The following UBE2O variants were observed in gnomAD, a reference collection of about 807,000 sequenced individuals.
The protein encoded by UBE2O is ubiquitin conjugating enzyme E2 O.
A neutral mutation model predicts 125.8 loss-of-function variants in UBE2O; 15 were observed. The ratio of observed to expected loss-of-function variants is 0.12; its 90% CI spans 0.08 to 0.18. UBE2O has a LOEUF of 0.18. UBE2O is among the 10% of genes least tolerant of loss of function. The pLI, the probability that UBE2O is intolerant of heterozygous loss-of-function variation, is 1.00. For synonymous variants in UBE2O, 708 were observed against 703.2 expected (o/e 1.01, Z -0.11); for missense variants, 1,280 against 1,723.6 (o/e 0.74, Z 4.56).
Position 76,392,072 on chromosome 17 carries a change from G to A in UBE2O, c.2988C>T (p.Pro996=), listed in dbSNP as rs1359384818. The A allele has an allele frequency of 6.5e-7, 1 of 1,545,002 alleles. No individual in the cohort carries two copies. Among genetic ancestry groups the A allele is most frequent in the Admixed American group, 2.2e-5 (1 of 46,246 alleles). ...SALIKGPTRT[P]YEDGLYLFDI... ...CAAACAAGTAGAGGCCATCCTCGTA[G>A]GGGGTTCGAGTGGGGCCCTTGATGA... The change falls in exon 16 of 18, where the codon CCC becomes CCT. Residue 996 remains proline (P), a synonymous_variant. Transcript: ENST00000319380.
At chr17:76,416,224 GTATATGTGTA>G (rs1432161996) in intron 1 of UBE2O, among the ~76,000 whole-genome samples, 2 of 151,906 alleles carry the variant, frequency 1.3e-5, no homozygotes, top group East Asian at 3.9e-4. Flanking sequence ...GTATGTATAT[GTATATGTGTA>G]TATATGTGTG....
intron 1 of UBE2O, among the ~76,000 whole-genome samples, chr17:76,427,335 T>G (rs1283387138): frequency 1.3e-5 from 2 of 152,250 alleles, no homozygotes; most frequent in Non-Finnish European, 2.9e-5. Context: ...GAGGCTTTAT[T>G]TGATTCTTTA....
chr17:76,443,708 G>C (rs1158897593), intron 1 of UBE2O, among the ~76,000 whole-genome samples: 1 of 152,142 alleles, frequency 6.6e-6, no homozygotes, highest in Admixed American at 6.5e-5. Flanking sequence ...AAGCAGCTGG[G>C]CATGTGATGT....
chr17:76,406,977 C>T (rs1374552474), intron 1 of UBE2O, among the ~76,000 whole-genome samples: 2 of 152,126 alleles, frequency 1.3e-5, no homozygotes, highest in African/African-American at 2.4e-5. Context: ...GGATTACAGG[C>T]GTGAGCCACT....
intron 1 of UBE2O, among the ~76,000 whole-genome samples, chr17:76,441,963 T>C (rs914535775): frequency 2.0e-5 from 3 of 152,204 alleles, no homozygotes; most frequent in Non-Finnish European, 4.4e-5. Flanking sequence ...GGGTGGGGCA[T>C]TCTTTTTCCA....
At chr17:76,426,768 T>G (rs1366353076) in intron 1 of UBE2O, among the ~76,000 whole-genome samples, 3 of 152,226 alleles carry the variant, frequency 2.0e-5, no homozygotes, top group Admixed American at 6.5e-5. Flanking sequence ...CTCTCCAAAT[T>G]AGTGACGATC....
intron 1 of UBE2O, among the ~76,000 whole-genome samples, chr17:76,449,281 A>C (rs531245322): frequency 1.3e-4 from 20 of 152,396 alleles, no homozygotes; most frequent in African/African-American, 4.8e-4. Context: ...TACTACTAAA[A>C]AATTTCAATG....
chr17:76,426,908 T>C (rs371801297), intron 1 of UBE2O, among the ~76,000 whole-genome samples: 3 of 151,260 alleles, frequency 2.0e-5, no homozygotes, highest in Admixed American at 6.6e-5. Flanking sequence ...TCTTAGTAAA[T>C]ACAACTTTTT....
intron 1 of UBE2O, among the ~76,000 whole-genome samples, chr17:76,425,394 A>T (rs2143824512): frequency 6.6e-6 from 1 of 152,244 alleles, no homozygotes; most frequent in Non-Finnish European, 1.5e-5. Context: ...AAAAGGCTTA[A>T]CAAAAACAGG....
rs1348213055 is a variant in UBE2O, at chr17:76,402,459, T to A, written c.686+143A>T. ...GCAGATAAGGAGAACGGTACAGGGT[T>A]AGGCCCTGGATGCCTGCAACATCTG... is the stretch of plus-strand genomic sequence containing the variant. On this transcript the variant is annotated intron_variant, in intron 4 of 17. Transcript: ENST00000319380. The surrounding 1 kb of genome is among the most constrained non-coding windows in gnomAD (Gnocchi z 5.4). 3 of 757,934 alleles carry A rather than the reference T, an allele frequency of 4.0e-6. No individual in the cohort carries two copies. The African/African-American group carries it at 5.1e-5, about 13-fold the overall frequency. The allele number at this position is 757,934 out of a possible 1,614,324, so 47.0% of individuals were successfully genotyped here. A position where few individuals can be genotyped will look rare whatever the true frequency, so the allele number is the denominator to read the frequency against.
Position 76,391,737 on chromosome 17 carries a change from C to T in UBE2O, c.3208+19G>A, listed in dbSNP as rs376532912. 3.2e-5 allele frequency: 52 copies of T among 1,613,460 alleles called. No homozygotes were observed. Among genetic ancestry groups the T allele is most frequent in the East Asian group, 8.9e-5 (4 of 44,898 alleles). On this transcript the variant is annotated intron_variant, in intron 17 of 17. Coordinates refer to ENST00000319380, the MANE Select transcript of UBE2O (RefSeq NM_022066.4). This position sits in a 1 kb window ranked among gnomAD's most constrained non-coding sequence, Gnocchi z 8.4. Reference sequence around the variant, plus strand: ...ACCGGCCCTCCCTTGTCCGCACCCCCGCTTCAGCCCAACTGTACCTTGGAT... The same window carrying T: ...ACCGGCCCTCCCTTGTCCGCACCCCTGCTTCAGCCCAACTGTACCTTGGAT...
chr17:76,402,105 C>T lies in UBE2O; in HGVS notation c.709G>A (p.Gly237Ser), dbSNP rs1428538658. 6.2e-7 allele frequency: 1 copy of T among 1,613,638 alleles called. No homozygotes were observed. Among genetic ancestry groups the T allele is most frequent in the African/African-American group, 1.3e-5 (1 of 74,902 alleles). Reference sequence around the variant, plus strand: ...GGGCAGACGTCGTAGAGCTTGGCGCCATCTTCCGTGTTCATGGAGCACCTA... The same window carrying T: ...GGGCAGACGTCGTAGAGCTTGGCGCTATCTTCCGTGTTCATGGAGCACCTA... ...GARCSMNTED[G>S]AKLYDVCPHV... Residue 237 changes from glycine to serine, a missense_variant, in exon 5 of 18, where the codon GGC becomes AGC. This residue lies in a region of UBE2O where 206 missense variants were observed against 315.7 expected (regional missense o/e 0.65). Coordinates refer to ENST00000319380, the MANE Select transcript of UBE2O (RefSeq NM_022066.4). This position sits in a 1 kb window ranked among gnomAD's most constrained non-coding sequence, Gnocchi z 5.4.
At chr17:76,445,754 C>T (rs879671692) in intron 1 of UBE2O, among the ~76,000 whole-genome samples, 2 of 152,210 alleles carry the variant, frequency 1.3e-5, no homozygotes, top group African/African-American at 2.4e-5. Flanking sequence ...CAATTTTATT[C>T]TCAACTACAG....
chr17:76,447,790 C>T (rs1405338074), intron 1 of UBE2O, among the ~76,000 whole-genome samples: 1 of 152,158 alleles, frequency 6.6e-6, no homozygotes, highest in Non-Finnish European at 1.5e-5. Flanking sequence ...GCCTCGTGCA[C>T]CTTTTGCTTC....
At chr17:76,397,743 C>G (rs2072239550) in intron 13 of UBE2O, 56 bp downstream of exon 13, 1 of 1,570,908 alleles carries the variant, frequency 6.4e-7, no homozygotes, top group African/African-American at 1.4e-5. Flanking sequence ...CCTGTGGCCC[C>G]CGGCCCAAGT....
chr17:76,435,659 T>G (rs2072985064), intron 1 of UBE2O, among the ~76,000 whole-genome samples: 1 of 152,116 alleles, frequency 6.6e-6, no homozygotes, highest in Non-Finnish European at 1.5e-5. Flanking sequence ...ACTACAAGAT[T>G]CTGTCTTTTC....
chr17:76,396,395 T>C lies in UBE2O; in HGVS notation c.2542A>G (p.Thr848Ala). Reference sequence around the variant, plus strand: ...TCATCCAGAAACTTCTTCTCCCGAGTTGGCTTCTCAGGCTCCACAGTCGGA... The same window carrying C: ...TCATCCAGAAACTTCTTCTCCCGAGCTGGCTTCTCAGGCTCCACAGTCGGA... ...TSPTVEPEKPTREKKFLDDIK... is the reference protein window; with the variant it reads ...TSPTVEPEKPAREKKFLDDIK... The change falls in exon 14 of 18, where the codon ACT becomes GCT. Residue 848 changes from threonine (T) to alanine (A), a missense_variant. This residue lies in a region of UBE2O where 210 missense variants were observed against 268.9 expected (regional missense o/e 0.78). Coordinates refer to ENST00000319380, the MANE Select transcript of UBE2O (RefSeq NM_022066.4). This position sits in a 1 kb window ranked among gnomAD's most constrained non-coding sequence, Gnocchi z 6.7. The C allele has an allele frequency of 6.2e-7, 1 of 1,614,196 alleles. No individual in the cohort carries two copies. Among genetic ancestry groups the C allele is most frequent in the Non-Finnish European group, 8.5e-7 (1 of 1,180,030 alleles).
intron 1 of UBE2O, among the ~76,000 whole-genome samples, chr17:76,415,007 A>C (rs556434690): frequency 6.6e-6 from 1 of 152,230 alleles, no homozygotes; most frequent in African/African-American, 2.4e-5. Context: ...AGTGATCAGC[A>C]TGATTCCATG....
intron 1 of UBE2O, among the ~76,000 whole-genome samples, chr17:76,449,564 G>T (rs891747557): frequency 6.6e-6 from 1 of 151,310 alleles, no homozygotes; most frequent in South Asian, 2.1e-4. Flanking sequence ...GACAGAGAGA[G>T]ACTCTGTTTA....
Sources: allele counts gnomAD v4.1 joint callset (sites outside exome capture counted in the v4.1 genomes callset), GRCh38; gene constraint gnomAD v4.1.1; regional missense constraint gnomAD v4.1.1; non-coding constraint Gnocchi (gnomAD v3.1); transcripts MANE v1.5; gene names NCBI Gene and HGNC (gene_info 2026-07-23, HGNC 2026-07-21).